COL16A1: variants seen among roughly 807,000 people sequenced by gnomAD.
COL16A1 encodes the protein collagen type XVI alpha 1 chain.
Under a neutral mutation model 266.3 loss-of-function variants are expected in COL16A1, and 189 were observed. That is an observed-to-expected ratio of 0.71 (90% CI 0.63 to 0.80). The LOEUF (loss-of-function observed/expected upper bound fraction) is 0.80. Among genes scored for constraint, COL16A1 ranks in the 30% least tolerant of loss-of-function variants. COL16A1 has a pLI of 0.00. For missense variants in COL16A1, 1,928 were observed against 2,122.4 expected, an observed-to-expected ratio of 0.91 and a Z score of 1.80; for synonymous variants, 740 against 782.3, an observed-to-expected ratio of 0.95 and a Z score of 0.90.
chr1:31,675,057 G>A lies in COL16A1; in HGVS notation c.2827-18C>T, dbSNP rs767124011. The A allele has an allele frequency of 6.0e-5, 96 of 1,613,118 alleles. No homozygotes were observed. Among genetic ancestry groups the A allele is most frequent in the Admixed American group, 8.3e-5 (5 of 59,920 alleles). ...AAGGATCCCTGCAAGAGACAGATGT[G>A]TGGGCTCAAGCAGGTGAGGGGAAGG... On this transcript the variant is annotated intron_variant, in intron 43 of 70. Coordinates refer to ENST00000373672, the MANE Select transcript of COL16A1 (RefSeq NM_001856.4).
rs1234587693 is a variant in COL16A1, at chr1:31,696,216, G to A, written c.865-75C>T. On this transcript the variant is annotated intron_variant, in intron 8 of 70. Coordinates refer to ENST00000373672, the MANE Select transcript of COL16A1 (RefSeq NM_001856.4). ...GTCCAGGCTGGAAAGGGGCACCCAG[G>A]CAGGGGGCATGGGCCCCAGGTAATC... 3.6e-6 allele frequency: 5 copies of A among 1,372,486 alleles called. No homozygotes were observed. In the Admixed American group the frequency reaches 6.8e-5, roughly 19 times the overall value. The allele number at this position is 1,372,486 out of a possible 1,614,324, so 85.0% of individuals were successfully genotyped here.
Position 31,652,989 on chromosome 1 carries a change from T to TC in COL16A1, c.4613-137dup. On this transcript the variant is annotated intron_variant, in intron 70 of 70. Coordinates refer to ENST00000373672, the MANE Select transcript of COL16A1 (RefSeq NM_001856.4). The surrounding 1 kb of genome is among the most constrained non-coding windows in gnomAD (Gnocchi z 4.8). ...ACCACATGTTTTCATGAAGACCTAG[T>TC]CTGATCCTCACGTTGATTTAACAAT... 1.1e-6 allele frequency: 1 copy of TC among 893,042 alleles called. No homozygotes were observed. Among genetic ancestry groups the TC allele is most frequent in the Non-Finnish European group, 1.5e-6 (1 of 649,848 alleles). 55.3% of individuals were successfully genotyped at this position (893,042 alleles called of 1,614,324 possible).
chr1:31,656,197 A>G lies in COL16A1; in HGVS notation c.4101+203T>C. On this transcript the variant is annotated intron_variant, in intron 66 of 70. Coordinates refer to ENST00000373672, the MANE Select transcript of COL16A1 (RefSeq NM_001856.4). The surrounding 1 kb of genome is among the most constrained non-coding windows in gnomAD (Gnocchi z 4.2). ...CAATCAGTCAATCAGTGAGTAAATG[A>G]ACTGGAGATTTCCTTCCCCCCAACC... is the stretch of plus-strand genomic sequence containing the variant. The G allele has an allele frequency of 5.3e-6, 4 of 761,620 alleles. No homozygotes were observed. In the South Asian group the frequency reaches 7.5e-5, roughly 14 times the overall value. The allele number at this position is 761,620 out of a possible 1,614,324, so 47.2% of individuals were successfully genotyped here. A position where few individuals can be genotyped will look rare whatever the true frequency, so the allele number is the denominator to read the frequency against.
chr1:31,658,799 G>A, intron 63 of COL16A1, 115 bp downstream of exon 63: 5 of 1,287,568 alleles, frequency 3.9e-6, no homozygotes, highest in Non-Finnish European at 5.5e-6. Context: ...TGACACCAGG[G>A]AAGGAGGGGA....
At chr1:31,692,973 C>T (rs1243347757) in intron 13 of COL16A1, 119 bp downstream of exon 13, 4 of 957,970 alleles carry the variant, frequency 4.2e-6, no homozygotes, top group Admixed American at 4.1e-5. Context: ...ACCCCCCTCC[C>T]GTGATCTGGG....
rs1016764075 is a variant in COL16A1, at chr1:31,665,336, A to G, written c.3493-102T>C. On this transcript the variant is annotated intron_variant, in intron 55 of 70. Transcript: ENST00000373672. ...TGATGCACTGTTGTTAATGCAATTC[A>G]TTTTGACTTCCTAGAAGCACCACTT... 6 of 1,513,436 alleles carry G rather than the reference A, an allele frequency of 4.0e-6. No homozygotes were observed. In the African/African-American group the frequency reaches 8.4e-5, roughly 21 times the overall value. 93.8% of individuals were successfully genotyped at this position (1,513,436 alleles called of 1,614,324 possible).
Position 31,684,720 on chromosome 1 carries a change from C to T in COL16A1, c.2053-90G>A, listed in dbSNP as rs531922637. 3 of 1,609,104 alleles carry T rather than the reference C, an allele frequency of 1.9e-6. No homozygotes were observed. In the East Asian group the frequency reaches 6.7e-5, roughly 36 times the overall value. On this transcript the variant is annotated intron_variant, in intron 30 of 70. Coordinates refer to ENST00000373672, the MANE Select transcript of COL16A1 (RefSeq NM_001856.4). ...ACTCGCAGGCACTCACACTCCTTTG[C>T]CGGGGCTGAGGGTTGGGGGCTAGGG...
At position 31,683,138 on chromosome 1, in the gene COL16A1, C is replaced by T. The variant is rs1643765041; in HGVS notation, c.2469+56G>A. 8.7e-6 allele frequency: 14 copies of T among 1,612,840 alleles called. No homozygotes were observed. In the African/African-American group the frequency reaches 1.2e-4, roughly 14 times the overall value. ...TTGGCCCCCATGTCCCCTGTGCCTG[C>T]TTCTGGGACACTCTGGAATACTGCA... On this transcript the variant is annotated intron_variant, in intron 36 of 70. Coordinates refer to ENST00000373672, the MANE Select transcript of COL16A1 (RefSeq NM_001856.4).
Position 31,657,746 on chromosome 1 carries a change from C to T in COL16A1, c.4021-678G>A, listed in dbSNP as rs1641295046. The stretch of plus-strand genomic sequence containing the variant: ...GACCTGGGTCCCTGCCTCTGCTCTC[C>T]CAGGAGACTTTTCATCCCTGACCCT... On this transcript the variant is annotated intron_variant, in intron 64 of 70. Coordinates refer to ENST00000373672, the MANE Select transcript of COL16A1 (RefSeq NM_001856.4). The surrounding 1 kb of genome is among the most constrained non-coding windows in gnomAD (Gnocchi z 6.4). Among the ~76,000 whole-genome samples the T allele has an allele frequency of 6.6e-6, 1 of 152,228 alleles. No individual in the cohort carries two copies. The highest frequency in any genetic ancestry group is 2.4e-5 in the African/African-American group (1 of 41,450).
At chr1:31,660,552 T>TA (rs1465940306) in intron 62 of COL16A1, 33 bp downstream of exon 62, 1 of 1,613,142 alleles carries the variant, frequency 6.2e-7, no homozygotes, top group Admixed American at 1.7e-5. Flanking sequence ...TGCTAACTCT[T>TA]ATGGAGACAG....
At position 31,697,082 on chromosome 1, in the gene COL16A1, G is replaced by C. The variant is rs764530804; in HGVS notation, c.745C>G (p.Pro249Ala). Residue 249 changes from proline to alanine, a missense_variant, in exon 8 of 71, where the codon CCA becomes GCA. By Grantham distance (27) the Pro-to-Ala change is conservative. This residue lies in a region of COL16A1 where 1,552 missense variants were observed against 1,637.2 expected (regional missense o/e 0.95). Coordinates refer to ENST00000373672, the MANE Select transcript of COL16A1 (RefSeq NM_001856.4). The surrounding 1 kb of genome is among the most constrained non-coding windows in gnomAD (Gnocchi z 4.2). Reference sequence around the variant, plus strand: ...TCCCGGCGGGCCTTGGAGGTCTCTGGGGGGCACTGTTTGGTGGAAGAGCGG... The same window carrying C: ...TCCCGGCGGGCCTTGGAGGTCTCTGCGGGGCACTGTTTGGTGGAAGAGCGG... ...CCEILPAGCP[P>A]ETSKARRDTQ... is the part of the protein sequence containing the mutation. 2.5e-6 allele frequency: 4 copies of C among 1,614,020 alleles called. No individual in the cohort carries two copies. The highest frequency in any genetic ancestry group is 2.7e-5 in the African/African-American group (2 of 74,914).
intron 40 of COL16A1, 44 bp from the exon 41 acceptor site, chr1:31,679,895 G>A (rs905480076): frequency 6.6e-7 from 1 of 1,510,130 alleles, no homozygotes; most frequent in Non-Finnish European, 8.9e-7. Flanking sequence ...GAGGTTATAG[G>A]CAACGTCTAC....
Position 31,653,706 on chromosome 1 carries a change from C to A in COL16A1, c.4535-30G>T, listed in dbSNP as rs768379289. 1.2e-6 allele frequency: 2 copies of A among 1,603,704 alleles called. No individual in the cohort carries two copies. Among genetic ancestry groups the A allele is most frequent in the East Asian group, 2.2e-5 (1 of 44,720 alleles). On this transcript the variant is annotated intron_variant, in intron 69 of 70. Coordinates refer to ENST00000373672, the MANE Select transcript of COL16A1 (RefSeq NM_001856.4). ...AACAAAAGAAATAAATAAGTCCTAT[C>A]CCTGAGCAGAAAAATGACACAGCCA...
At position 31,698,253 on chromosome 1, in the gene COL16A1, T is replaced by C; in HGVS notation, c.391-81A>G. The C allele has an allele frequency of 6.4e-7, 1 of 1,573,114 alleles. No homozygotes were observed. The highest frequency in any genetic ancestry group is 1.2e-5 in the South Asian group (1 of 82,970). ...ATGGGCACGTTCAGGGACCTTGAAC[T>C]CATTTCACAGGAGGGGAACTGAGGC... On this transcript the variant is annotated intron_variant, in intron 5 of 70. Coordinates refer to ENST00000373672, the MANE Select transcript of COL16A1 (RefSeq NM_001856.4). This position sits in a 1 kb window ranked among gnomAD's most constrained non-coding sequence, Gnocchi z 4.1.
chr1:31,670,365 A>G lies in COL16A1; in HGVS notation c.3195+237T>C. 2.3e-6 allele frequency: 1 copy of G among 443,672 alleles called. No homozygotes were observed. The highest frequency in any genetic ancestry group is 3.6e-5 in the East Asian group (1 of 27,904). The allele number at this position is 443,672 out of a possible 1,614,324, so 27.5% of individuals were successfully genotyped here. On this transcript the variant is annotated intron_variant, in intron 49 of 70. Transcript: ENST00000373672. This position sits in a 1 kb window ranked among gnomAD's most constrained non-coding sequence, Gnocchi z 4.5. ...AAGACAGAACGGGGTAAGAGAGAGA[A>G]GAGGAGAGAAAGAACGCAGGAGAGG...
rs183018540 is a variant in COL16A1, at chr1:31,686,051, C to T, written c.1884+40G>A. 81 of 1,611,036 alleles carry T rather than the reference C, an allele frequency of 5.0e-5. No individual in the cohort carries two copies. In the African/African-American group the frequency reaches 9.9e-4, roughly 20 times the overall value. ...GCAAGACGAGTGTCTATCTAGGAAGCTCACCCAGGCTGCAGCACGGAGAAT... is the reference window on the plus strand; with the variant it reads ...GCAAGACGAGTGTCTATCTAGGAAGTTCACCCAGGCTGCAGCACGGAGAAT... On this transcript the variant is annotated intron_variant, in intron 28 of 70. Coordinates refer to ENST00000373672, the MANE Select transcript of COL16A1 (RefSeq NM_001856.4).
intron 61 of COL16A1, among the ~76,000 whole-genome samples, 195 bp downstream of exon 61, chr1:31,660,871 A>G (rs1242009541): frequency 2.0e-5 from 3 of 152,228 alleles, no homozygotes; most frequent in Admixed American, 6.5e-5. Context: ...AGTAACCTCC[A>G]GGGAGCAGAA....
intron 54 of COL16A1, 104 bp from the exon 55 acceptor site, chr1:31,665,722 T>C: frequency 6.3e-7 from 1 of 1,591,356 alleles, no homozygotes; most frequent in Non-Finnish European, 8.6e-7. Context: ...ACCCATGGGC[T>C]TTGCCCTCCC....
At chr1:31,676,324 CAA>C (rs11449957) in intron 42 of COL16A1, among the ~76,000 whole-genome samples, 113 of 100,246 alleles carry the variant, frequency 1.1e-3, no homozygotes, top group Admixed American at 1.7e-3. Context: ...GACTCCGTCT[CAA>C]AAAAAAAAAA....
Sources: allele counts gnomAD v4.1 joint callset (sites outside exome capture counted in the v4.1 genomes callset), GRCh38; gene constraint gnomAD v4.1.1; regional missense constraint gnomAD v4.1.1; non-coding constraint Gnocchi (gnomAD v3.1); transcripts MANE v1.5; gene names NCBI Gene and HGNC (gene_info 2026-07-23, HGNC 2026-07-21).